The following CDK13 variants were observed in gnomAD, a reference collection of about 807,000 sequenced individuals.
The protein encoded by CDK13 is cyclin dependent kinase 13, also known as cyclin-dependent kinase 13.
In CDK13, 40 loss-of-function variants were observed where a neutral mutation model predicts 137.6. That is an observed-to-expected ratio of 0.29 (90% CI 0.23 to 0.38). CDK13 has a LOEUF of 0.38. Ranked by LOEUF, CDK13 falls within the 10% of genes least tolerant of loss-of-function variation. The pLI is 1.00. For synonymous variants in CDK13, 869 were observed against 760.1 expected, an observed-to-expected ratio of 1.14 and a Z score of -2.36; for missense variants, 1,704 against 1,951.8, an observed-to-expected ratio of 0.87 and a Z score of 2.39.
intron 9 of CDK13, among the ~76,000 whole-genome samples, chr7:40,077,465 TAATG>T (rs771981985): frequency 1.4e-4 from 21 of 152,186 alleles, no homozygotes; most frequent in Non-Finnish European, 2.9e-5. Context: ...ATTTTGCAAA[TAATG>T]AAAGTCCTCT....
intron 13 of CDK13, among the ~76,000 whole-genome samples, 188 bp from the exon 14 acceptor site, chr7:40,093,942 G>GT (rs1786984363): frequency 6.7e-6 from 1 of 148,438 alleles, no homozygotes; most frequent in Admixed American, 6.7e-5. Context: ...TTTTTAAAGA[G>GT]AAGCCATATA....
At chr7:39,961,682 A>C (rs1385793513) in intron 1 of CDK13, among the ~76,000 whole-genome samples, 1 of 151,922 alleles carries the variant, frequency 6.6e-6, no homozygotes, top group Non-Finnish European at 1.5e-5. Flanking sequence ...CATGTGCACA[A>C]CGTGCAGGTT....
intron 11 of CDK13, among the ~76,000 whole-genome samples, 154 bp from the exon 12 acceptor site, chr7:40,087,972 A>G (rs1786828525): frequency 6.6e-6 from 1 of 152,178 alleles, no homozygotes; most frequent in Non-Finnish European, 1.5e-5. Context: ...GTGGGACAAT[A>G]AGGATGATTT....
At chr7:39,956,213 G>A (rs1787403939) in intron 1 of CDK13, among the ~76,000 whole-genome samples, 1 of 152,092 alleles carries the variant, frequency 6.6e-6, no homozygotes, top group South Asian at 2.1e-4. Flanking sequence ...TCAAAAAATA[G>A]GATACTAGAA....
At chr7:39,982,881 A>G (rs1484175595) in intron 1 of CDK13, among the ~76,000 whole-genome samples, 1 of 151,708 alleles carries the variant, frequency 6.6e-6, no homozygotes, top group Non-Finnish European at 1.5e-5. Context: ...TTTTCTTGTA[A>G]ATTTGTTTGA....
At chr7:39,982,337 A>G (rs1008052620) in intron 1 of CDK13, among the ~76,000 whole-genome samples, 3 of 152,154 alleles carry the variant, frequency 2.0e-5, no homozygotes, top group Non-Finnish European at 2.9e-5. Context: ...CCTACAAAGG[A>G]CATGAACTCA....
chr7:39,999,379 T>C lies in CDK13; in HGVS notation c.2061T>C (p.Tyr687=), dbSNP rs1784635453. The C allele has an allele frequency of 6.8e-6, 11 of 1,611,348 alleles. No homozygotes were observed. Among genetic ancestry groups the C allele is most frequent in the African/African-American group, 1.3e-5 (1 of 74,792 alleles). The change falls in exon 4 of 14, where the codon TAT becomes TAC. Residue 687 remains tyrosine (Y), a synonymous_variant. Coordinates refer to ENST00000181839, the MANE Select transcript of CDK13 (RefSeq NM_003718.5). Reference sequence around the variant, plus strand: ...TTGATAGAATATGTGGGCCTCGCTATGGTGAAACCAAAGAAAAAGATATTG... The same window carrying C: ...TTGATAGAATATGTGGGCCTCGCTACGGTGAAACCAAAGAAAAAGATATTG... ...KRRPKICGPR[Y]GETKEKDIDW...
At chr7:39,967,381 C>T (rs1045817062) in intron 1 of CDK13, among the ~76,000 whole-genome samples, 11 of 151,798 alleles carry the variant, frequency 7.2e-5, no homozygotes, top group South Asian at 2.1e-4. Context: ...AAGCTGAGAT[C>T]GCGCCACGCC....
intron 7 of CDK13, among the ~76,000 whole-genome samples, chr7:40,058,238 T>C (rs1786063938): frequency 6.6e-6 from 1 of 152,100 alleles, no homozygotes; most frequent in Non-Finnish European, 1.5e-5. Flanking sequence ...GGTTGCCCAG[T>C]GTAATAGGAG....
intron 5 of CDK13, among the ~76,000 whole-genome samples, chr7:40,027,655 C>CTTTT (rs761581418): frequency 4.5e-4 from 40 of 89,682 alleles, no homozygotes; most frequent in African/African-American, 1.4e-3. Flanking sequence ...CACCCTTGGG[C>CTTTT]TTTTTTTTTT....
intron 1 of CDK13, among the ~76,000 whole-genome samples, chr7:39,967,258 T>C (rs955683930): frequency 6.6e-6 from 1 of 152,070 alleles, no homozygotes; most frequent in Non-Finnish European, 1.5e-5. Flanking sequence ...TGAAATCTCT[T>C]CTCTACAAAT....
intron 1 of CDK13, among the ~76,000 whole-genome samples, chr7:39,968,081 A>G (rs1292778074): frequency 6.6e-6 from 1 of 152,042 alleles, no homozygotes. Context: ...CCGTTTTTGA[A>G]ATTGGGTTAT....
intron 9 of CDK13, among the ~76,000 whole-genome samples, chr7:40,065,529 G>A (rs10254596): frequency 6.6e-6 from 1 of 151,732 alleles, no homozygotes; most frequent in African/African-American, 2.4e-5. Context: ...ATTTGTGTTG[G>A]GCTGCATTCG....
chr7:39,958,712 C>G (rs1435463588), intron 1 of CDK13, among the ~76,000 whole-genome samples: 1 of 151,274 alleles, frequency 6.6e-6, no homozygotes, highest in East Asian at 1.9e-4. Flanking sequence ...TTAATTTTTG[C>G]TATGTGTGTA....
At chr7:39,976,319 T>TCACACACACACACA (rs1320736487) in intron 1 of CDK13, among the ~76,000 whole-genome samples, 8 of 54,286 alleles carry the variant, frequency 1.5e-4, no homozygotes, top group Admixed American at 2.0e-4. Context: ...TCTCTCTCTC[T>TCACACACACACACA]CTCTCACACA....
At chr7:39,951,987 C>G in intron 1 of CDK13, 135 bp downstream of exon 1, 2 of 994,468 alleles carry the variant, frequency 2.0e-6, no homozygotes, top group Middle Eastern at 2.6e-4. Context: ...CTGAGCCTCC[C>G]AGGAAGGATA....
chr7:40,019,526 C>T (rs537405202), intron 5 of CDK13, among the ~76,000 whole-genome samples: 2 of 151,980 alleles, frequency 1.3e-5, no homozygotes, highest in Non-Finnish European at 2.9e-5. Flanking sequence ...TTTTGGTGGA[C>T]CTCATTCTTT....
intron 11 of CDK13, 89 bp from the exon 12 acceptor site, chr7:40,088,037 G>T: frequency 1.0e-6 from 1 of 996,040 alleles, no homozygotes; most frequent in Non-Finnish European, 1.5e-6. Context: ...ACTATTTGGG[G>T]TGGGGGCATA....
At chr7:40,064,773 T>A (rs1364899910) in intron 9 of CDK13, among the ~76,000 whole-genome samples, 2 of 148,768 alleles carry the variant, frequency 1.3e-5, no homozygotes, top group Non-Finnish European at 3.0e-5. Flanking sequence ...ATAGAAAACT[T>A]TTATGTTACT....
Sources: gnomAD v4.1 joint callset for allele counts (sites outside exome capture counted in the v4.1 genomes callset) on GRCh38, gnomAD v4.1.1 for gene constraint, MANE v1.5 for transcripts, NCBI Gene and HGNC (gene_info 2026-07-23, HGNC 2026-07-21) for gene names.